CLSTN3: variants seen among roughly 807,000 people sequenced by gnomAD.
CLSTN3 encodes calsyntenin 3.
In CLSTN3, 36 loss-of-function variants were observed where a neutral mutation model predicts 95.9. The ratio of observed to expected loss-of-function variants is 0.38; its 90% confidence interval spans 0.29 to 0.50. The LOEUF is 0.50. Ranked by LOEUF, CLSTN3 falls within the 20% of genes least tolerant of loss-of-function variation. CLSTN3 has a pLI of 0.95. For missense variants in CLSTN3, 1,084 were observed against 1,268.8 expected (o/e 0.85, Z 2.21); for synonymous variants, 481 against 504.0 (o/e 0.95, Z 0.61).
intron 1 of CLSTN3, 24 bp from the exon 2 acceptor site, chr12:7,133,000 C>T: frequency 6.2e-7 from 1 of 1,612,464 alleles, no homozygotes; most frequent in South Asian, 1.1e-5. Flanking sequence ...GGTGCTTCCT[C>T]TCCTCTCCCT....
At position 7,158,062 on chromosome 12, in the gene CLSTN3, C is replaced by A. The variant is rs79149590; in HGVS notation, c.2852C>A (p.Thr951Asn). Residue 951 changes from threonine to asparagine, a missense_variant, in exon 18 of 18, where the codon ACC becomes AAC. Thr to Asn is a moderately conservative substitution (Grantham distance 65). Coordinates refer to ENST00000266546, the MANE Select transcript of CLSTN3 (RefSeq NM_014718.4). ...AGCGACGAGAGACGCATCATCGAGACCCCCCCACACCGCTACTAAGGCCTA... is the reference window on the plus strand; with the variant it reads ...AGCGACGAGAGACGCATCATCGAGAACCCCCCACACCGCTACTAAGGCCTA... ...PSSDERRIIETPPHRY is the reference protein window; with the variant it reads ...PSSDERRIIENPPHRY 1,144 of 1,535,772 alleles carry A rather than the reference C, an allele frequency of 7.4e-4. 8 individuals carry two copies. The African/African-American group carries it at 0.013, about 18-fold the overall frequency.
rs1258084166 is a variant in CLSTN3 at position 7,141,733 on chromosome 12, C to A, written c.1486+329C>A. On this transcript the variant is annotated intron_variant, in intron 9 of 17. Coordinates refer to ENST00000266546, the MANE Select transcript of CLSTN3 (RefSeq NM_014718.4). This position sits in a 1 kb window ranked among gnomAD's most constrained non-coding sequence, Gnocchi z 4.1. ...CCATTCCCCTGCTCAAGGAGAGTAA[C>A]CCCTTAGAGTGTCCTCGGTCTTCCA... Among the ~76,000 whole-genome samples, 1 of 152,174 alleles carries A rather than the reference C, an allele frequency of 6.6e-6. No individual in the cohort carries two copies. The highest frequency in any genetic ancestry group is 2.4e-5 in the African/African-American group (1 of 41,430).
intron 12 of CLSTN3, among the ~76,000 whole-genome samples, chr12:7,144,055 T>C (rs924970179): frequency 2.6e-5 from 4 of 152,214 alleles, no homozygotes; most frequent in Admixed American, 2.6e-4. Flanking sequence ...GGTGAAACCC[T>C]GTCTCTACTA....
chr12:7,131,174 A>G (rs1939292452), intron 1 of CLSTN3: 2 of 255,912 alleles, frequency 7.8e-6, no homozygotes, highest in South Asian at 4.4e-5. Context: ...CAGTTCAGCA[A>G]TTCGGAGCAC....
chr12:7,137,329 C>G lies in CLSTN3; in HGVS notation c.1210+219C>G. The G allele has an allele frequency of 1.8e-6, 1 of 565,892 alleles. No individual in the cohort carries two copies. Among genetic ancestry groups the G allele is most frequent in the South Asian group, 2.2e-5 (1 of 45,548 alleles). The allele number at this position is 565,892 out of a possible 1,614,324, so 35.1% of individuals were successfully genotyped here. On this transcript the variant is annotated intron_variant, in intron 7 of 17. Transcript: ENST00000266546. The surrounding 1 kb of genome is among the most constrained non-coding windows in gnomAD (Gnocchi z 4.4). ...TGCAATGGGATTCCTTGCTGCTACT[C>G]TTGTTTTCAGTTGCCCAGTCAACTT...
In CLSTN3 at chr12:7,130,555, A is replaced by G. The variant is rs1300010429; in HGVS notation, c.-94A>G. Reference sequence around the variant, plus strand: ...TGCCCTGCTGTACCCCGCTCCTTGGAGACCCCCTGTATCCCTCCCGCAAGG... The same window carrying G: ...TGCCCTGCTGTACCCCGCTCCTTGGGGACCCCCTGTATCCCTCCCGCAAGG... On this transcript the variant is annotated 5_prime_UTR_variant, in exon 1 of 18. Transcript: ENST00000266546. 6.5e-6 allele frequency: 10 copies of G among 1,547,108 alleles called. No homozygotes were observed. Among genetic ancestry groups the G allele is most frequent in the Non-Finnish European group, 7.0e-6 (8 of 1,146,682 alleles).
rs1272732269 is a variant in CLSTN3, at chr12:7,143,295, C to G, written c.1831C>G (p.Leu611Val). The change falls in exon 12 of 18, where the codon CTC becomes GTC. Residue 611 changes from leucine to valine, a missense_variant. Leu to Val is a conservative substitution (Grantham distance 32, BLOSUM62 1). Coordinates refer to ENST00000266546, the MANE Select transcript of CLSTN3 (RefSeq NM_014718.4). Reference sequence around the variant, plus strand: ...CACGCCCGGCGTCAGGCCCCTGCGCCTCACCACTGCTGTCAAGTGAGTGTT... The same window carrying G: ...CACGCCCGGCGTCAGGCCCCTGCGCGTCACCACTGCTGTCAAGTGAGTGTT... ...FATPGVRPLR[L>V]TTAVKCFSEE... is the part of the protein sequence containing the mutation. The G allele has an allele frequency of 6.2e-7, 1 of 1,609,550 alleles. No individual in the cohort carries two copies. The highest frequency in any genetic ancestry group is 1.1e-5 in the South Asian group (1 of 91,056).
Position 7,150,384 on chromosome 12 carries a change from G to C in CLSTN3, c.2246-160G>C, listed in dbSNP as rs1210840755. 2 of 722,464 alleles carry C rather than the reference G, an allele frequency of 2.8e-6. No homozygotes were observed. Among genetic ancestry groups the C allele is most frequent in the Non-Finnish European group, 4.4e-6 (2 of 454,874 alleles). The allele number at this position is 722,464 out of a possible 1,614,324, so 44.8% of individuals were successfully genotyped here. ...TAGTCAGAGTGGGCAGGGATGGAGG[G>C]GAGCATCCCTCCCTTCGACCTCAGG... On this transcript the variant is annotated intron_variant, in intron 14 of 17. Transcript: ENST00000266546. This position sits in a 1 kb window ranked among gnomAD's most constrained non-coding sequence, Gnocchi z 4.0.
Position 7,133,905 on chromosome 12 carries a change from C to G in CLSTN3, c.383+137C>G. The G allele has an allele frequency of 1.5e-6, 1 of 685,660 alleles. No homozygotes were observed. The highest frequency in any genetic ancestry group is 2.0e-5 in the South Asian group (1 of 48,872). The allele number at this position is 685,660 out of a possible 1,614,324, so 42.5% of individuals were successfully genotyped here. A position where few individuals can be genotyped will look rare whatever the true frequency, so the allele number is the denominator to read the frequency against. ...GTTCCTAGGACTTAGGGAGCCCCAT[C>G]CCCTGCTGTTCCTAGGATTTAGGGA... On this transcript the variant is annotated intron_variant, in intron 3 of 17. Coordinates refer to ENST00000266546, the MANE Select transcript of CLSTN3 (RefSeq NM_014718.4). The surrounding 1 kb of genome is among the most constrained non-coding windows in gnomAD (Gnocchi z 4.7).
At chr12:7,136,759 C>G in intron 6 of CLSTN3, 70 bp from the exon 7 acceptor site, 1 of 1,551,496 alleles carries the variant, frequency 6.4e-7, no homozygotes, top group African/African-American at 1.4e-5. Context: ...CCCTCTTTCC[C>G]TGCCTCCTGC....
upstream of CLSTN3, chr12:7,129,635 T>C (rs990081480): frequency 1.7e-5 from 17 of 985,374 alleles, no homozygotes; most frequent in Non-Finnish European, 2.0e-5. This position sits in a 1 kb window ranked among gnomAD's most constrained non-coding sequence, Gnocchi z 5.5. Flanking sequence ...GCTTTCCAGA[T>C]GTATTTCTGT....
Position 7,149,609 on chromosome 12 carries a change from C to T in CLSTN3, c.2161C>T (p.Arg721Trp), listed in dbSNP as rs529193577. ...GGTGGGGGATGACCTGGATCCCGAG[C>T]GGGAAAGCCTGCTCCTGGACACAAC... ...SLVGDDLDPE[R>W]ESLLLDTTSL... The change falls in exon 14 of 18, where the codon CGG becomes TGG. Residue 721 changes from arginine to tryptophan, a missense_variant. Arg to Trp is a moderately radical substitution (Grantham distance 101). Coordinates refer to ENST00000266546, the MANE Select transcript of CLSTN3 (RefSeq NM_014718.4). This position sits in a 1 kb window ranked among gnomAD's most constrained non-coding sequence, Gnocchi z 4.5. 134 of 1,614,058 alleles carry T rather than the reference C, an allele frequency of 8.3e-5. 3 individuals carry two copies. In the South Asian group the frequency reaches 1.3e-3, roughly 15 times the overall value.
intron 1 of CLSTN3, 195 bp downstream of exon 1, chr12:7,130,907 C>A: frequency 1.6e-6 from 1 of 638,066 alleles, no homozygotes; most frequent in Non-Finnish European, 2.8e-6. Flanking sequence ...ATCTTCCTTT[C>A]TGGTCCATCT....
rs1384862737 is a variant in CLSTN3, at chr12:7,142,073, T to TC, written c.1487-13_1487-12insC. The TC allele has an allele frequency of 6.3e-7, 1 of 1,577,746 alleles. No individual in the cohort carries two copies. The highest frequency in any genetic ancestry group is 1.8e-5 in the Admixed American group (1 of 54,344). On this transcript the variant is annotated splice_polypyrimidine_tract_variant and intron_variant, in intron 9 of 17. Transcript: ENST00000266546. Reference sequence around the variant, plus strand: ...GCTCACCAGCACTGTTTTTTTTTTTTTTTTATCCCCAGAGGAGAAGAACAA... The same window carrying TC: ...GCTCACCAGCACTGTTTTTTTTTTTTCTTTTATCCCCAGAGGAGAAGAACAA...
At position 7,136,688 on chromosome 12, in the gene CLSTN3, T is replaced by C. The variant is rs915944025; in HGVS notation, c.929-141T>C. ...TCTTAGAAGTGAGTTCATCCCTCTC[T>C]TGTCTTTGAAAGGCCATAAAAGGTG... On this transcript the variant is annotated intron_variant, in intron 6 of 17. Transcript: ENST00000266546. The C allele has an allele frequency of 6.5e-6, 6 of 917,840 alleles. No homozygotes were observed. The East Asian group carries it at 1.4e-4, about 22-fold the overall frequency. The allele number at this position is 917,840 out of a possible 1,614,324, so 56.9% of individuals were successfully genotyped here. A position where few individuals can be genotyped will look rare whatever the true frequency, so the allele number is the denominator to read the frequency against.
Position 7,148,974 on chromosome 12 carries a change from G to A in CLSTN3, c.1850G>A (p.Cys617Tyr). The change falls in exon 13 of 18, where the codon TGC becomes TAC. Residue 617 changes from cysteine (C) to tyrosine (Y), a missense_variant and splice_region_variant. Coordinates refer to ENST00000266546, the MANE Select transcript of CLSTN3 (RefSeq NM_014718.4). ...GCTTCTCCTGCTTTCTTACATAGGTGCTTCAGCGAAGAGTCCTGCGTCTCC... is the reference window on the plus strand; with the variant it reads ...GCTTCTCCTGCTTTCTTACATAGGTACTTCAGCGAAGAGTCCTGCGTCTCC... The part of the protein sequence containing the change: ...RPLRLTTAVK[C>Y]FSEESCVSIP... 1 of 1,613,740 alleles carries A rather than the reference G, an allele frequency of 6.2e-7. No individual in the cohort carries two copies. The highest frequency in any genetic ancestry group is 8.5e-7 in the Non-Finnish European group (1 of 1,179,672).
intron 5 of CLSTN3, 51 bp downstream of exon 5, chr12:7,136,004 C>A: frequency 6.4e-7 from 1 of 1,559,464 alleles, no homozygotes; most frequent in South Asian, 1.2e-5. Flanking sequence ...TTTTCTTGGT[C>A]TCTCTTTCTG....
rs961236791 is a variant in CLSTN3, at chr12:7,157,946, C to T, written c.2736C>T (p.Tyr912=). Residue 912 remains tyrosine (Y), a synonymous_variant, in exon 18 of 18, where the codon TAC becomes TAT. Coordinates refer to ENST00000266546, the MANE Select transcript of CLSTN3 (RefSeq NM_014718.4). This position sits in a 1 kb window ranked among gnomAD's most constrained non-coding sequence, Gnocchi z 5.9. ...LTIIVNPMES[Y]QNRQSCVTGA... ...TCTCTGTTCCTGCCCTCCAGTCCTA[C>T]CAGAATCGGCAGTCCTGTGTGACGG... The T allele has an allele frequency of 2.6e-6, 4 of 1,550,890 alleles. No individual in the cohort carries two copies. Among genetic ancestry groups the T allele is most frequent in the Non-Finnish European group, 8.7e-7 (1 of 1,146,956 alleles).
intron 16 of CLSTN3, among the ~76,000 whole-genome samples, chr12:7,152,984 A>C (rs1939750019): frequency 6.6e-6 from 1 of 152,226 alleles, no homozygotes; most frequent in African/African-American, 2.4e-5. Context: ...GGAGCCCCTG[A>C]GGGGCTTCCC....
Sources: allele counts gnomAD v4.1 joint callset (sites outside exome capture counted in the v4.1 genomes callset), GRCh38; gene constraint gnomAD v4.1.1; non-coding constraint Gnocchi (gnomAD v3.1); transcripts MANE v1.5; gene names NCBI Gene and HGNC (gene_info 2026-07-23, HGNC 2026-07-21).